Variants in CHCHD6 observed in about 807,000 individuals in gnomAD.
CHCHD6 encodes the protein MICOS complex subunit MIC25.
Under a neutral mutation model 32.3 loss-of-function variants are expected in CHCHD6, and 28 were observed. The observed-to-expected ratio is 0.87, with a 90% CI of 0.64 to 1.19. The LOEUF is 1.19. Ranked by LOEUF, CHCHD6 falls within the 50% of genes most tolerant of loss-of-function variation. The pLI is 0.00. For missense variants in CHCHD6, 333 were observed against 307.0 expected, an observed-to-expected ratio of 1.08 and a Z score of -0.63; for synonymous variants, 122 against 117.5, an observed-to-expected ratio of 1.04 and a Z score of -0.25.
intron 4 of CHCHD6, among the ~76,000 whole-genome samples, chr3:126,812,508 C>T (rs984231005): frequency 1.3e-5 from 2 of 151,942 alleles, no homozygotes; most frequent in African/African-American, 4.8e-5. Flanking sequence ...ACTGCAACCT[C>T]CGCCTCCTGG....
intron 6 of CHCHD6, among the ~76,000 whole-genome samples, chr3:126,916,257 C>T (rs576592201): frequency 9.3e-4 from 142 of 152,026 alleles, no homozygotes; most frequent in African/African-American, 3.1e-3. Context: ...GAAAATTAGC[C>T]GGATGTGGTG....
intron 4 of CHCHD6, among the ~76,000 whole-genome samples, chr3:126,816,040 CTG>C (rs1261236896): frequency 2.0e-5 from 3 of 152,180 alleles, no homozygotes; most frequent in Non-Finnish European, 4.4e-5. Flanking sequence ...ATTTTCTTCT[CTG>C]TTCTGATTGG....
chr3:126,833,263 G>A (rs114388771), intron 4 of CHCHD6, among the ~76,000 whole-genome samples: 1,811 of 152,238 alleles, frequency 0.012, 19 homozygotes, highest in Middle Eastern at 0.048. Context: ...TCCGAAGTTG[G>A]GGGTACATTT....
At chr3:126,861,034 A>G (rs1432858445) in intron 5 of CHCHD6, among the ~76,000 whole-genome samples, 1 of 152,176 alleles carries the variant, frequency 6.6e-6, no homozygotes, top group Non-Finnish European at 1.5e-5. Flanking sequence ...AAGTCACTTA[A>G]GCCCTTGAGC....
chr3:126,787,168 TG>T (rs1235540823), intron 4 of CHCHD6, among the ~76,000 whole-genome samples: 2 of 152,256 alleles, frequency 1.3e-5, no homozygotes, highest in Non-Finnish European at 2.9e-5. Flanking sequence ...GGCTCTGTTC[TG>T]TTCCATTGGT....
chr3:126,706,742 G>A (rs1049408626), intron 1 of CHCHD6, among the ~76,000 whole-genome samples: 13 of 152,076 alleles, frequency 8.5e-5, no homozygotes, highest in African/African-American at 3.1e-4. Flanking sequence ...TTTTCTGTTA[G>A]CAGAGTTACT....
intron 1 of CHCHD6, among the ~76,000 whole-genome samples, chr3:126,707,824 G>A (rs1340780384): frequency 6.6e-6 from 1 of 152,262 alleles, no homozygotes; most frequent in Non-Finnish European, 1.5e-5. Flanking sequence ...CAGAGAGGCC[G>A]TGTGCCAGAG....
chr3:126,816,957 G>T (rs1281296075), intron 4 of CHCHD6, among the ~76,000 whole-genome samples: 1 of 152,072 alleles, frequency 6.6e-6, no homozygotes, highest in Non-Finnish European at 1.5e-5. Context: ...GTGAGAGCAT[G>T]CAGTGTTTGG....
chr3:126,756,790 C>A (rs1936971348), intron 4 of CHCHD6, among the ~76,000 whole-genome samples: 1 of 152,192 alleles, frequency 6.6e-6, no homozygotes, highest in African/African-American at 2.4e-5. Context: ...AAAGCTCTTA[C>A]CCTTTAGCAC....
chr3:126,758,256 C>A (rs1046838820), intron 4 of CHCHD6, among the ~76,000 whole-genome samples: 1 of 152,230 alleles, frequency 6.6e-6, no homozygotes, highest in Non-Finnish European at 1.5e-5. Context: ...CCTCAGCGTC[C>A]CTTCCAGCCT....
chr3:126,716,122 G>A (rs1014997857), intron 1 of CHCHD6, among the ~76,000 whole-genome samples: 36 of 152,164 alleles, frequency 2.4e-4, no homozygotes, highest in African/African-American at 8.2e-4. Context: ...GCAAAGAGAA[G>A]ACTGACCACA....
chr3:126,786,031 A>G (rs972878470), intron 4 of CHCHD6, among the ~76,000 whole-genome samples: 11 of 151,920 alleles, frequency 7.2e-5, no homozygotes, highest in Non-Finnish European at 1.2e-4. Flanking sequence ...CCTGTGTCCA[A>G]GTGTTCTCAT....
intron 4 of CHCHD6, among the ~76,000 whole-genome samples, chr3:126,810,808 C>G (rs1333341623): frequency 6.6e-6 from 1 of 152,158 alleles, no homozygotes; most frequent in African/African-American, 2.4e-5. Context: ...TGCTATCATA[C>G]TACCGTGTAA....
At chr3:126,816,732 C>CT (rs1316716501) in intron 4 of CHCHD6, among the ~76,000 whole-genome samples, 6 of 151,972 alleles carry the variant, frequency 3.9e-5, no homozygotes, top group African/African-American at 1.5e-4. Context: ...TATTATTATA[C>CT]TTTAAGTTCT....
chr3:126,891,154 C>T (rs2077753489), intron 5 of CHCHD6, among the ~76,000 whole-genome samples: 1 of 152,132 alleles, frequency 6.6e-6, no homozygotes, highest in East Asian at 1.9e-4. Context: ...GCTGTGGAGA[C>T]GTATCAGGTG....
chr3:126,719,679 T>G (rs1228406169), intron 1 of CHCHD6, among the ~76,000 whole-genome samples: 3 of 152,190 alleles, frequency 2.0e-5, no homozygotes, highest in Admixed American at 1.3e-4. Context: ...GTTTCTCACC[T>G]GCCATCCGAA....
At chr3:126,869,236 C>G (rs894525652) in intron 5 of CHCHD6, among the ~76,000 whole-genome samples, 5 of 149,304 alleles carry the variant, frequency 3.3e-5, no homozygotes, top group Non-Finnish European at 7.4e-5. Flanking sequence ...TTGCACAGAA[C>G]AGTACATCTG....
intron 5 of CHCHD6, among the ~76,000 whole-genome samples, chr3:126,863,532 C>A (rs1942055990): frequency 7.2e-6 from 1 of 139,552 alleles, no homozygotes; most frequent in Non-Finnish European, 1.5e-5. Context: ...CCATCACCAC[C>A]TCCTCCTCCT....
At chr3:126,776,571 G>A (rs1937657654) in intron 4 of CHCHD6, among the ~76,000 whole-genome samples, 1 of 152,124 alleles carries the variant, frequency 6.6e-6, no homozygotes, top group African/African-American at 2.4e-5. Context: ...TTTATCTTAG[G>A]CATAGGACCT....
Sources: allele counts gnomAD v4.1 joint callset (sites outside exome capture counted in the v4.1 genomes callset), GRCh38; gene constraint gnomAD v4.1.1; transcripts MANE v1.5; gene names NCBI Gene and HGNC (gene_info 2026-07-23, HGNC 2026-07-21).